WASF3: variants seen among roughly 807,000 people sequenced by gnomAD.
WASF3 encodes the protein WASP family member 3, also known as actin-binding protein WASF3.
A neutral mutation model predicts 46.6 loss-of-function variants in WASF3; 11 were observed. The ratio of observed to expected loss-of-function variants is 0.24; its 90% CI spans 0.15 to 0.39. The LOEUF (loss-of-function observed/expected upper bound fraction) is 0.39. Ranked by LOEUF, WASF3 falls within the 10% of genes least tolerant of loss-of-function variation. WASF3 has a pLI of 1.00. For missense variants in WASF3, 576 were observed against 669.8 expected (o/e 0.86, Z 1.55); for synonymous variants, 242 against 259.7 (o/e 0.93, Z 0.65).
intron 5 of WASF3, among the ~76,000 whole-genome samples, chr13:26,671,021 T>C (rs1882911990): frequency 6.6e-6 from 1 of 152,224 alleles, no homozygotes; most frequent in Non-Finnish European, 1.5e-5. Context: ...CCTGTGTTCC[T>C]TAATGACTCA....
At chr13:26,545,124 A>T in the WASF3 span, among the ~76,000 whole-genome samples, 1 of 152,148 alleles carries the variant, frequency 6.6e-6, no homozygotes, top group Non-Finnish European at 1.5e-5. Context: ...GATAAATGGG[A>T]TCGACATGGG....
intron 5 of WASF3, among the ~76,000 whole-genome samples, chr13:26,670,257 C>G (rs141683161): frequency 0.017 from 2,524 of 151,944 alleles, 38 homozygotes; most frequent in African/African-American, 0.044. Flanking sequence ...AACACAGGAA[C>G]AGAAAAACAC....
chr13:26,594,624 A>C (rs1012331114), intron 1 of WASF3, among the ~76,000 whole-genome samples: 2 of 152,088 alleles, frequency 1.3e-5, no homozygotes, highest in Non-Finnish European at 2.9e-5. Context: ...TGCCAAAGTT[A>C]CCTCCCTGGA....
the WASF3 span, among the ~76,000 whole-genome samples, chr13:26,539,232 G>A: frequency 6.6e-6 from 1 of 152,132 alleles, no homozygotes; most frequent in African/African-American, 2.4e-5. Context: ...TGGAACCAGA[G>A]CCAAGGTTAG....
rs1016625918 is a variant in WASF3, at chr13:26,679,472, C to T, written c.717-1582C>T. Among the ~76,000 whole-genome samples the T allele has an allele frequency of 2.0e-5, 3 of 152,186 alleles. No individual in the cohort carries two copies. The highest frequency in any genetic ancestry group is 6.5e-5 in the Admixed American group (1 of 15,282). ...GCCCCTTTTCCTTGCTTCCTTTCTA[C>T]CCTGTGTTGCAAGGCTCCTTGATAG... On this transcript the variant is annotated intron_variant, in intron 7 of 9. Transcript: ENST00000335327. This position sits in a 1 kb window ranked among gnomAD's most constrained non-coding sequence, Gnocchi z 4.8.
intron 3 of WASF3, among the ~76,000 whole-genome samples, chr13:26,660,183 T>G (rs1166509966): frequency 2.0e-5 from 3 of 147,892 alleles, no homozygotes; most frequent in Non-Finnish European, 3.0e-5. Context: ...TTAGCTTTTG[T>G]TTTTTGTTTG....
At chr13:26,607,810 A>G (rs1717575283) in intron 1 of WASF3, among the ~76,000 whole-genome samples, 1 of 151,926 alleles carries the variant, frequency 6.6e-6, no homozygotes, top group South Asian at 2.1e-4. Context: ...TAATTTTTAA[A>G]TTATTTGTAG....
At chr13:26,586,421 A>C (rs572274042) in intron 1 of WASF3, among the ~76,000 whole-genome samples, 1 of 152,308 alleles carries the variant, frequency 6.6e-6, no homozygotes, top group African/African-American at 2.4e-5. Context: ...TTAAAATGTC[A>C]CATCCATCTT....
At chr13:26,668,735 C>G (rs1335398388) in intron 5 of WASF3, among the ~76,000 whole-genome samples, 1 of 152,228 alleles carries the variant, frequency 6.6e-6, no homozygotes, top group East Asian at 1.9e-4. Context: ...GGGAGAGGCT[C>G]TCAGAAAAAC....
At chr13:26,642,054 A>G (rs1425483320) in intron 2 of WASF3, 3 of 344,218 alleles carry the variant, frequency 8.7e-6, no homozygotes, top group South Asian at 1.0e-4. Flanking sequence ...TTTTCTATGA[A>G]GTGAGATTAT....
chr13:26,591,040 G>A (rs1390140641), intron 1 of WASF3, among the ~76,000 whole-genome samples: 1 of 151,812 alleles, frequency 6.6e-6, no homozygotes, highest in African/African-American at 2.4e-5. Flanking sequence ...GGTGTAGGTG[G>A]GTGGGGCGGA....
At chr13:26,661,642 G>C (rs533835167) in intron 3 of WASF3, among the ~76,000 whole-genome samples, 1 of 152,128 alleles carries the variant, frequency 6.6e-6, no homozygotes, top group Non-Finnish European at 1.5e-5. Flanking sequence ...CTCAAGTAGA[G>C]TTGCTGGGTC....
At chr13:26,591,238 G>A (rs1403565646) in intron 1 of WASF3, among the ~76,000 whole-genome samples, 2 of 152,072 alleles carry the variant, frequency 1.3e-5, no homozygotes, top group Admixed American at 1.3e-4. Context: ...AAAGGTTTTA[G>A]ATTTTCATCA....
chr13:26,625,222 T>A (rs1035347985), intron 2 of WASF3, among the ~76,000 whole-genome samples: 6 of 152,074 alleles, frequency 3.9e-5, no homozygotes, highest in African/African-American at 1.4e-4. Context: ...AATATACTGT[T>A]TATATTAGGG....
intron 2 of WASF3, among the ~76,000 whole-genome samples, chr13:26,631,558 T>C (rs994419428): frequency 1.3e-5 from 2 of 152,242 alleles, no homozygotes; most frequent in African/African-American, 4.8e-5. Context: ...AGTACCATGC[T>C]GTTTTGGTTA....
chr13:26,615,840 T>C (rs1469162737), intron 2 of WASF3, among the ~76,000 whole-genome samples: 1 of 152,210 alleles, frequency 6.6e-6, no homozygotes, highest in Non-Finnish European at 1.5e-5. Context: ...TAGATAAGTT[T>C]ATATTTCCTA....
At chr13:26,568,097 G>A (rs1209529794) in intron 1 of WASF3, among the ~76,000 whole-genome samples, 1 of 152,098 alleles carries the variant, frequency 6.6e-6, no homozygotes, top group Non-Finnish European at 1.5e-5. Context: ...AGGTATTAAA[G>A]GGCCAGATTG....
intron 1 of WASF3, among the ~76,000 whole-genome samples, chr13:26,588,178 A>G (rs1880185438): frequency 6.6e-6 from 1 of 152,256 alleles, no homozygotes; most frequent in African/African-American, 2.4e-5. Context: ...TTCAAATCAG[A>G]AAGATGAGAA....
At chr13:26,610,957 C>T (rs1197255141) in intron 1 of WASF3, among the ~76,000 whole-genome samples, 1 of 151,418 alleles carries the variant, frequency 6.6e-6, no homozygotes, top group Non-Finnish European at 1.5e-5. Context: ...ATGTTAGCAG[C>T]TCAGCAGCAA....
Sources: gnomAD v4.1 joint callset for allele counts (sites outside exome capture counted in the v4.1 genomes callset) on GRCh38, gnomAD v4.1.1 for gene constraint, Gnocchi (gnomAD v3.1) non-coding constraint, MANE v1.5 for transcripts, NCBI Gene and HGNC (gene_info 2026-07-23, HGNC 2026-07-21) for gene names.